The following CCDC88C variants were observed in gnomAD, a reference collection of about 807,000 sequenced individuals.
The protein encoded by CCDC88C is coiled-coil and HOOK domain protein 88C.
In CCDC88C, 131 loss-of-function variants were observed where a neutral mutation model predicts 198.8. The ratio of observed to expected loss-of-function variants is 0.66; its 90% CI spans 0.57 to 0.76. The LOEUF (loss-of-function observed/expected upper bound fraction) is 0.76. CCDC88C is among the 30% of genes least tolerant of loss of function. The pLI is 0.00. For synonymous variants in CCDC88C, 1,166 were observed against 1,114.7 expected (o/e 1.05, Z -0.92); for missense variants, 2,553 against 2,631.6 (o/e 0.97, Z 0.65).
rs1377134802 is a variant in CCDC88C at position 91,288,253 on chromosome 14, TC to T, written c.4441+851del. On this transcript the variant is annotated intron_variant, in intron 25 of 29. Coordinates refer to ENST00000389857, the MANE Select transcript of CCDC88C (RefSeq NM_001080414.4). The surrounding 1 kb of genome is among the most constrained non-coding windows in gnomAD (Gnocchi z 4.2). ...GAAATACAGCATACATGATGAGAAA[TC>T]CTGTTCTTGTTTCAGAACCTCTGGC... Among the ~76,000 whole-genome samples, 1 of 152,140 alleles carries T rather than the reference TC, an allele frequency of 6.6e-6. No homozygotes were observed. Among genetic ancestry groups the T allele is most frequent in the Non-Finnish European group, 1.5e-5 (1 of 68,018 alleles).
chr14:91,298,351 T>C (rs565554840), intron 21 of CCDC88C, among the ~76,000 whole-genome samples: 54 of 151,716 alleles, frequency 3.6e-4, no homozygotes, highest in Admixed American at 6.6e-4. Context: ...TCCAGCCTGG[T>C]GACAGAGCAA....
intron 25 of CCDC88C, 54 bp downstream of exon 25, chr14:91,289,050 AC>A (rs1890540921): frequency 6.9e-7 from 1 of 1,443,988 alleles, no homozygotes; most frequent in South Asian, 1.2e-5. Context: ...CCGGTGCGGG[AC>A]CCTTCAGGAC....
At chr14:91,356,334 T>C (rs1289927652) in intron 4 of CCDC88C, among the ~76,000 whole-genome samples, 2 of 152,228 alleles carry the variant, frequency 1.3e-5, no homozygotes, top group Non-Finnish European at 1.5e-5. Flanking sequence ...TTGCCCTCTG[T>C]GTGCAGCCTG....
chr14:91,273,463 T>C lies in CCDC88C; in HGVS notation c.5249A>G (p.Tyr1750Cys). 6.3e-7 allele frequency: 1 copy of C among 1,584,966 alleles called. No individual in the cohort carries two copies. The highest frequency in any genetic ancestry group is 8.6e-7 in the Non-Finnish European group (1 of 1,164,512). Residue 1750 changes from tyrosine (Y) to cysteine (C), a missense_variant, in exon 30 of 30, where the codon TAC becomes TGC. Coordinates refer to ENST00000389857, the MANE Select transcript of CCDC88C (RefSeq NM_001080414.4). The surrounding 1 kb of genome is among the most constrained non-coding windows in gnomAD (Gnocchi z 5.6). ...SEGRPLKPGQ[Y>C]VKPNFRLTEA... ...AGTCAGTCTGAAGTTTGGCTTTACGTACTGCCCGGGCTTCAGCGGCCTCCC... is the reference window on the plus strand; with the variant it reads ...AGTCAGTCTGAAGTTTGGCTTTACGCACTGCCCGGGCTTCAGCGGCCTCCC...
In CCDC88C at chr14:91,352,329, G is replaced by C. The variant is rs1420715848; in HGVS notation, c.340+7313C>G. Among the ~76,000 whole-genome samples the C allele has an allele frequency of 1.3e-5, 2 of 152,134 alleles. No individual in the cohort carries two copies. Among genetic ancestry groups the C allele is most frequent in the Admixed American group, 1.3e-4 (2 of 15,276 alleles). On this transcript the variant is annotated intron_variant, in intron 4 of 29. Transcript: ENST00000389857. The surrounding 1 kb of genome is among the most constrained non-coding windows in gnomAD (Gnocchi z 4.2). ...GCGTGTGGGCCGCACTGTGACGCTC[G>C]GCTGGGCTTGGTGTCAGCCAAACTC... is the stretch of plus-strand genomic sequence containing the variant.
At position 91,313,171 on chromosome 14, in the gene CCDC88C, G is replaced by A; in HGVS notation, c.2645C>T (p.Ala882Val). 6.2e-7 allele frequency: 1 copy of A among 1,612,146 alleles called. No homozygotes were observed. Among genetic ancestry groups the A allele is most frequent in the African/African-American group, 1.3e-5 (1 of 75,044 alleles). ...LDKELARCRD[A>V]AGKLKELEKD... ...CTCCAGCTCCTTCAGCTTGCCGGCT[G>A]CGTCCCTGCAGCGGGCCAGCTCCTT... The change falls in exon 15 of 30, where the codon GCA (alanine) becomes GTA (valine). Residue 882 changes from alanine to valine, a missense_variant. Ala to Val is a moderately conservative substitution (Grantham distance 64, BLOSUM62 0). Coordinates refer to ENST00000389857, the MANE Select transcript of CCDC88C (RefSeq NM_001080414.4). This position sits in a 1 kb window ranked among gnomAD's most constrained non-coding sequence, Gnocchi z 5.2.
At chr14:91,403,756 C>A (rs1374595725) in intron 3 of CCDC88C, among the ~76,000 whole-genome samples, 1 of 152,146 alleles carries the variant, frequency 6.6e-6, no homozygotes, top group Non-Finnish European at 1.5e-5. Flanking sequence ...ATAGTGAAAC[C>A]CTGTCTCTAC....
chr14:91,299,859 G>A, intron 21 of CCDC88C, 68 bp downstream of exon 21: 1 of 1,462,962 alleles, frequency 6.8e-7, no homozygotes. Flanking sequence ...CTCAGTGGTT[G>A]CTATGCAAGG....
intron 3 of CCDC88C, among the ~76,000 whole-genome samples, chr14:91,382,133 T>C (rs1452272440): frequency 2.0e-5 from 3 of 152,172 alleles, no homozygotes; most frequent in Non-Finnish European, 4.4e-5. Context: ...GGTTTTCTCA[T>C]CTGTAAGATG....
chr14:91,362,242 A>G (rs1365990958), intron 3 of CCDC88C, among the ~76,000 whole-genome samples: 2 of 151,828 alleles, frequency 1.3e-5, no homozygotes, highest in Non-Finnish European at 2.9e-5. Context: ...TCAAAAAAAA[A>G]AAAAAGAAAA....
In CCDC88C at chr14:91,273,707, T is replaced by C. The variant is rs1889842531; in HGVS notation, c.5059-54A>G. On this transcript the variant is annotated intron_variant, in intron 29 of 29. Transcript: ENST00000389857. This position sits in a 1 kb window ranked among gnomAD's most constrained non-coding sequence, Gnocchi z 5.6. ...TGGGCATGAGGGTTGGGTGGGTCCTTGGAGCCGCCTCCTGCGCGGGACGCC... is the reference window on the plus strand; with the variant it reads ...TGGGCATGAGGGTTGGGTGGGTCCTCGGAGCCGCCTCCTGCGCGGGACGCC... 8.7e-6 allele frequency: 12 copies of C among 1,376,508 alleles called. No homozygotes were observed. Among genetic ancestry groups the C allele is most frequent in the Non-Finnish European group, 1.1e-5 (12 of 1,050,654 alleles). The allele number at this position is 1,376,508 out of a possible 1,614,324, so 85.3% of individuals were successfully genotyped here. A position where few individuals can be genotyped will look rare whatever the true frequency, so the allele number is the denominator to read the frequency against.
rs982854067 is a variant in CCDC88C at position 91,272,347 on chromosome 14, C to G, written c.*278G>C. The stretch of plus-strand genomic sequence containing the variant: ...TTTGGGGGAAGTCAGTTTGTCATTG[C>G]ATCCTAATTGGTCCCCATGCTGACG... On this transcript the variant is annotated 3_prime_UTR_variant, in exon 30 of 30. Transcript: ENST00000389857. 14 of 461,898 alleles carry G rather than the reference C, an allele frequency of 3.0e-5. No homozygotes were observed. The highest frequency in any genetic ancestry group is 2.6e-4 in the African/African-American group (13 of 49,608). The allele number at this position is 461,898 out of a possible 1,614,324, so 28.6% of individuals were successfully genotyped here.
At chr14:91,342,197 G>T in intron 6 of CCDC88C, 183 bp downstream of exon 6, 1 of 421,260 alleles carries the variant, frequency 2.4e-6, no homozygotes. Flanking sequence ...ATTTTAGCTG[G>T]CTGATTGATG....
At position 91,318,917 on chromosome 14, in the gene CCDC88C, C is replaced by CAAAAAAAA. The variant is rs61183857; in HGVS notation, c.1527+2195_1527+2202dup. On this transcript the variant is annotated intron_variant, in intron 13 of 29. Coordinates refer to ENST00000389857, the MANE Select transcript of CCDC88C (RefSeq NM_001080414.4). ...CTGGACAACAGAGCGAGACTCCGTC[C>CAAAAAAAA]AAAAAAAAAAAAAAAAAAAAAGAAC... is the stretch of plus-strand genomic sequence containing the variant. Among the ~76,000 whole-genome samples the CAAAAAAAA allele has an allele frequency of 2.3e-4, 24 of 105,254 alleles. 5 individuals carry two copies. The highest frequency in any genetic ancestry group is 3.7e-4 in the Non-Finnish European group (20 of 53,384). 69.1% of individuals were successfully genotyped at this position (105,254 alleles called of 152,430 possible).
intron 15 of CCDC88C, among the ~76,000 whole-genome samples, chr14:91,312,015 T>TA (rs1567067975): frequency 2.0e-5 from 3 of 150,212 alleles, no homozygotes; most frequent in African/African-American, 7.5e-5. Context: ...TAATAAAATT[T>TA]AAAAAATAAT....
At position 91,289,116 on chromosome 14, in the gene CCDC88C, G is replaced by A; in HGVS notation, c.4430C>T (p.Ser1477Phe). 2 of 1,612,106 alleles carry A rather than the reference G, an allele frequency of 1.2e-6. No individual in the cohort carries two copies. Among genetic ancestry groups the A allele is most frequent in the Middle Eastern group, 1.8e-4 (1 of 5,478 alleles). ...CAEERDAHNG[S>F]VGKGPGDLKP... is the part of the protein sequence containing the mutation. ...ACGGCCGCCCCTACCTTTCCCCACA[G>A]ACCCGTTGTGGGCGTCGCGCTCTTC... is the stretch of plus-strand genomic sequence containing the variant. Residue 1477 changes from serine to phenylalanine, a missense_variant, in exon 25 of 30, where the codon TCT (serine) becomes TTT (phenylalanine). Physicochemically the swap from Ser to Phe is radical, Grantham distance 155. This residue lies in a region of CCDC88C where 1,293 missense variants were observed against 1,219.6 expected (regional missense o/e 1.06). Coordinates refer to ENST00000389857, the MANE Select transcript of CCDC88C (RefSeq NM_001080414.4).
At chr14:91,282,741 G>A (rs1890247779) in intron 26 of CCDC88C, among the ~76,000 whole-genome samples, 1 of 152,124 alleles carries the variant, frequency 6.6e-6, no homozygotes, top group Non-Finnish European at 1.5e-5. Flanking sequence ...CCTCAACTGT[G>A]TCAGTGAACT....
chr14:91,309,850 G>C lies in CCDC88C; in HGVS notation c.2864+9C>G. 2 of 1,606,558 alleles carry C rather than the reference G, an allele frequency of 1.2e-6. No homozygotes were observed. Among genetic ancestry groups the C allele is most frequent in the Non-Finnish European group, 1.7e-6 (2 of 1,174,304 alleles). The stretch of plus-strand genomic sequence containing the variant: ...TCCCACGATGGGGAGAGGGAGAAGA[G>C]GCCCTCACGTGTCACTGCCGCTGTC... On this transcript the variant is annotated intron_variant, in intron 16 of 29. Coordinates refer to ENST00000389857, the MANE Select transcript of CCDC88C (RefSeq NM_001080414.4).
Position 91,304,001 on chromosome 14 carries a change from C to T in CCDC88C, c.3358-23G>A, listed in dbSNP as rs756423866. 7 of 1,589,838 alleles carry T rather than the reference C, an allele frequency of 4.4e-6. No homozygotes were observed. In the East Asian group the frequency reaches 1.3e-4, roughly 31 times the overall value. On this transcript the variant is annotated intron_variant, in intron 19 of 29. Coordinates refer to ENST00000389857, the MANE Select transcript of CCDC88C (RefSeq NM_001080414.4). ...CACCTGCCGAGAGGGAGAAGCGCGG[C>T]GTGGCGCAGGCCCCACAGTCAGCGA... is the stretch of plus-strand genomic sequence containing the variant.
Sources: allele counts gnomAD v4.1 joint callset (sites outside exome capture counted in the v4.1 genomes callset), GRCh38; gene constraint gnomAD v4.1.1; regional missense constraint gnomAD v4.1.1; non-coding constraint Gnocchi (gnomAD v3.1); transcripts MANE v1.5; gene names NCBI Gene and HGNC (gene_info 2026-07-23, HGNC 2026-07-21).